Variants in NRCAM observed in about 807,000 individuals in gnomAD.
The protein encoded by NRCAM is NgCAM-related cell adhesion molecule.
NRCAM carries 83 observed loss-of-function variants against 156.5 expected under a neutral mutation model. The ratio of observed to expected loss-of-function variants is 0.53; its 90% CI spans 0.44 to 0.64. NRCAM has a LOEUF of 0.64. NRCAM is among the 30% of genes least tolerant of loss of function. The pLI is 0.00. For missense variants in NRCAM, 1,417 were observed against 1,597.3 expected (o/e 0.89, Z 1.92); for synonymous variants, 538 against 563.9 (o/e 0.95, Z 0.65).
At chr7:108,302,133 T>C (rs1467612178) in intron 3 of NRCAM, among the ~76,000 whole-genome samples, 1 of 152,106 alleles carries the variant, frequency 6.6e-6, no homozygotes, top group African/African-American at 2.4e-5. Context: ...TTTGTCTGCT[T>C]AGTAATAATG....
At chr7:108,191,134 A>T (rs770011987) in intron 19 of NRCAM, 120 bp downstream of exon 19, 5 of 740,762 alleles carry the variant, frequency 6.7e-6, no homozygotes, top group Non-Finnish European at 8.7e-6. Flanking sequence ...ATAACAACTG[A>T]CAGAGACCTT....
chr7:108,295,183 T>A (rs762811724), intron 3 of NRCAM, among the ~76,000 whole-genome samples: 6 of 152,224 alleles, frequency 3.9e-5, no homozygotes, highest in Non-Finnish European at 8.8e-5. Context: ...TATTTAATTT[T>A]AAAATGACAA....
chr7:108,184,435 A>G lies in NRCAM; in HGVS notation c.2215T>C (p.Tyr739His). 1 of 1,614,170 alleles carries G rather than the reference A, an allele frequency of 6.2e-7. No homozygotes were observed. The highest frequency in any genetic ancestry group is 8.5e-7 in the Non-Finnish European group (1 of 1,180,030). ...GCTTTACCTGAGGCTTTCGTCAAAT[A>G]CTGCTCAGACGCCTCGCTGGGCAAG... ...KSLPSEASEQ[Y>H]LTKASEPDKN... The change falls in exon 21 of 33, where the codon TAT becomes CAT. Residue 739 changes from tyrosine to histidine, a missense_variant. Coordinates refer to ENST00000379028, the MANE Select transcript of NRCAM (RefSeq NM_001037132.4).
intron 2 of NRCAM, among the ~76,000 whole-genome samples, chr7:108,318,039 C>CTTTTTTTTTTT (rs779703662): frequency 1.4e-5 from 1 of 72,816 alleles, no homozygotes; most frequent in Non-Finnish European, 2.4e-5. Context: ...TTCACTTTTC[C>CTTTTTTTTTTT]TTTTTTTTTT....
rs1376721233 is a variant in NRCAM, at chr7:108,209,625, ATGATGTT to A, written c.891-27_891-21del. 3.2e-6 allele frequency: 5 copies of A among 1,544,398 alleles called. No homozygotes were observed. The highest frequency in any genetic ancestry group is 2.2e-5 in the Admixed American group (1 of 45,068). ...GTAGGCCTGATAGGATAAATAAATAATGATGTTACAAAAAAGGAATCCACCTATGACT... is the reference window on the plus strand; with the variant it reads ...GTAGGCCTGATAGGATAAATAAATAAACAAAAAAGGAATCCACCTATGACT... On this transcript the variant is annotated intron_variant, in intron 11 of 32. Transcript: ENST00000379028.
intron 2 of NRCAM, among the ~76,000 whole-genome samples, chr7:108,347,048 T>TC (rs1391392173): frequency 7.1e-6 from 1 of 141,142 alleles, no homozygotes; most frequent in Non-Finnish European, 1.5e-5. Flanking sequence ...TTTTTTTTTT[T>TC]TTTTTTTGAG....
intron 1 of NRCAM, among the ~76,000 whole-genome samples, chr7:108,447,685 A>G (rs1330807771): frequency 6.6e-6 from 1 of 152,218 alleles, no homozygotes; most frequent in Non-Finnish European, 1.5e-5. Flanking sequence ...TTACACTGAA[A>G]TAACTTTAGC....
In NRCAM at chr7:108,177,624, A is replaced by AATATAT. The variant is rs59391934; in HGVS notation, c.2974+360_2974+365dup. On this transcript the variant is annotated intron_variant, in intron 26 of 32. Coordinates refer to ENST00000379028, the MANE Select transcript of NRCAM (RefSeq NM_001037132.4). Reference sequence around the variant, plus strand: ...GGTGACAGAGCGAGACTCCATCTCAAATATATATATATATATATATATATA... The same window carrying AATATAT: ...GGTGACAGAGCGAGACTCCATCTCAAATATATATATATATATATATATATATATATA... Among the ~76,000 whole-genome samples the AATATAT allele has an allele frequency of 3.4e-3, 274 of 80,272 alleles. 1 individual carries two copies. The highest frequency in any genetic ancestry group is 4.4e-3 in the Admixed American group (28 of 6,342). 52.7% of individuals were successfully genotyped at this position (80,272 alleles called of 152,430 possible).
rs563629496 is a variant in NRCAM, at chr7:108,245,199, G to A, written c.-106-5029C>T. On this transcript the variant is annotated intron_variant, in intron 3 of 32. Transcript: ENST00000379028. ...CAGATCTAGAGCTCCAGTTCCGGAA[G>A]GTTCTGGAGCTTTTAGCCATCTCAC... Among the ~76,000 whole-genome samples, 11 of 152,270 alleles carry A rather than the reference G, an allele frequency of 7.2e-5. No individual in the cohort carries two copies. In the South Asian group the frequency reaches 2.3e-3, roughly 32 times the overall value.
chr7:108,204,961 G>A (rs1329883338), intron 13 of NRCAM, among the ~76,000 whole-genome samples: 1 of 152,158 alleles, frequency 6.6e-6, no homozygotes, highest in Non-Finnish European at 1.5e-5. Flanking sequence ...AATTTAAAAG[G>A]GGAGTGTTAT....
chr7:108,311,833 A>C (rs2098807986), intron 3 of NRCAM, among the ~76,000 whole-genome samples: 1 of 152,230 alleles, frequency 6.6e-6, no homozygotes, highest in Admixed American at 6.5e-5. Flanking sequence ...AATCTTGTAT[A>C]CAATCTTCTT....
At chr7:108,404,610 T>C (rs373251797) in intron 1 of NRCAM, among the ~76,000 whole-genome samples, 7 of 152,178 alleles carry the variant, frequency 4.6e-5, no homozygotes, top group East Asian at 3.9e-4. Flanking sequence ...AATGACCACA[T>C]AGCAATATGT....
At chr7:108,434,541 T>TACAA (rs1554644856) in intron 1 of NRCAM, among the ~76,000 whole-genome samples, 3 of 141,150 alleles carry the variant, frequency 2.1e-5, no homozygotes, top group Non-Finnish European at 4.6e-5. Flanking sequence ...CAATGGAATG[T>TACAA]ACACACACAC....
At chr7:108,311,398 G>C (rs2098801208) in intron 3 of NRCAM, among the ~76,000 whole-genome samples, 1 of 152,156 alleles carries the variant, frequency 6.6e-6, no homozygotes, top group South Asian at 2.1e-4. Context: ...TTGTAGAGGA[G>C]AGGGGTACAT....
In NRCAM at chr7:108,184,607, G is replaced by A. The variant is rs1031328372; in HGVS notation, c.2043C>T (p.Ile681=). Residue 681 remains isoleucine, a synonymous_variant, in exon 21 of 33, where the codon ATC becomes ATT. Transcript: ENST00000379028. ...TGTGCATTGCATCTTCATATTCGAT[G>A]ATGAATTCTGGTCACGACACACACA... ...DDNNSPITKF[I]IEYEDAMHKP... 1 of 1,612,226 alleles carries A rather than the reference G, an allele frequency of 6.2e-7. No individual in the cohort carries two copies.
chr7:108,150,419 A>G (rs1486325035), intron 32 of NRCAM, among the ~76,000 whole-genome samples: 1 of 152,190 alleles, frequency 6.6e-6, no homozygotes, highest in African/African-American at 2.4e-5. Context: ...GTTGAAAGCA[A>G]TCCAGAAATA....
chr7:108,418,327 A>C (rs976828642), intron 1 of NRCAM, among the ~76,000 whole-genome samples: 1 of 152,164 alleles, frequency 6.6e-6, no homozygotes, highest in African/African-American at 2.4e-5. Context: ...GCATCTATTG[A>C]GAAGAAAGAC....
chr7:108,256,801 A>C (rs2096686173), intron 3 of NRCAM, among the ~76,000 whole-genome samples: 2 of 152,064 alleles, frequency 1.3e-5, no homozygotes, highest in Non-Finnish European at 2.9e-5. Context: ...GGATTACTTG[A>C]GATCAGGAGT....
At chr7:108,412,957 C>T (rs12540524) in intron 1 of NRCAM, among the ~76,000 whole-genome samples, 7,033 of 152,266 alleles carry the variant, frequency 0.046, 240 homozygotes, top group East Asian at 0.11. Flanking sequence ...TAGATAAACA[C>T]TTCGGTTGAT....
Sources: gnomAD v4.1 joint callset for allele counts (sites outside exome capture counted in the v4.1 genomes callset) on GRCh38, gnomAD v4.1.1 for gene constraint, MANE v1.5 for transcripts, NCBI Gene and HGNC (gene_info 2026-07-23, HGNC 2026-07-21) for gene names.